Variants in CDH18 observed in about 807,000 individuals in gnomAD.
CDH18 encodes cadherin 18, also known as cadherin-18.
CDH18 carries 31 observed loss-of-function variants against 67.9 expected under a neutral mutation model. The ratio of observed to expected loss-of-function variants is 0.46; its 90% confidence interval spans 0.34 to 0.62. CDH18 has a LOEUF of 0.62. Ranked by LOEUF, CDH18 falls within the 20% of genes least tolerant of loss-of-function variation. CDH18 has a pLI of 0.01. For synonymous variants in CDH18, 362 were observed against 347.2 expected, an observed-to-expected ratio of 1.04 and a Z score of -0.48; for missense variants, 890 against 975.5, an observed-to-expected ratio of 0.91 and a Z score of 1.17.
chr5:20,370,187 T>C (rs1413019003), intron 1 of CDH18, among the ~76,000 whole-genome samples: 2 of 152,132 alleles, frequency 1.3e-5, no homozygotes, highest in Non-Finnish European at 2.9e-5. Flanking sequence ...TCACCATCAT[T>C]ACTATCCTTA....
chr5:19,936,357 G>A (rs911687724), intron 2 of CDH18, among the ~76,000 whole-genome samples: 1 of 151,212 alleles, frequency 6.6e-6, no homozygotes, highest in East Asian at 1.9e-4. Flanking sequence ...TTGTTTCTCT[G>A]GCTAAAAATT....
intron 3 of CDH18, among the ~76,000 whole-genome samples, chr5:19,797,364 A>G (rs1057230509): frequency 6.6e-6 from 1 of 151,954 alleles, no homozygotes; most frequent in Non-Finnish European, 1.5e-5. Context: ...TAAAATACTT[A>G]AAGATCATAA....
chr5:19,864,484 T>A (rs903533140), intron 2 of CDH18, among the ~76,000 whole-genome samples: 3 of 151,864 alleles, frequency 2.0e-5, no homozygotes, highest in African/African-American at 7.3e-5. Flanking sequence ...CATATGTAAC[T>A]AACCTGCACA....
At chr5:20,491,184 A>G (rs903159122) in intron 1 of CDH18, among the ~76,000 whole-genome samples, 2 of 149,874 alleles carry the variant, frequency 1.3e-5, no homozygotes, top group African/African-American at 2.5e-5. Context: ...ATGTTTAGGT[A>G]TAGTATTTGG....
At chr5:20,222,126 A>G (rs1052628807) in intron 2 of CDH18, among the ~76,000 whole-genome samples, 5 of 152,146 alleles carry the variant, frequency 3.3e-5, no homozygotes, top group African/African-American at 1.2e-4. Context: ...AGAGTCCATG[A>G]AGCCAAAGAA....
At position 19,875,691 on chromosome 5, in the gene CDH18, T is replaced by C. The variant is rs572442760; in HGVS notation, c.-256-36449A>G. On this transcript the variant is annotated intron_variant, in intron 2 of 12. Coordinates refer to ENST00000382275, the MANE Select transcript of CDH18 (RefSeq NM_004934.5). Reference sequence around the variant, plus strand: ...AATCAAAATAGAATTGAATCTTTTATATTGTTGAATCTAGAAAGAATTTGT... The same window carrying C: ...AATCAAAATAGAATTGAATCTTTTACATTGTTGAATCTAGAAAGAATTTGT... 1.4e-3 allele frequency among the ~76,000 whole-genome samples: 215 copies of C among 152,122 alleles called. 1 individual carries two copies. The highest frequency in any genetic ancestry group is 4.8e-3 in the African/African-American group (201 of 41,556).
rs1035531494 is a variant in CDH18, at chr5:19,498,318, G to A, written c.1630+4674C>T. 5.9e-5 allele frequency among the ~76,000 whole-genome samples: 9 copies of A among 152,118 alleles called. No individual in the cohort carries two copies. In the East Asian group the frequency reaches 9.7e-4, roughly 16 times the overall value. Reference sequence around the variant, plus strand: ...AAATAAAAAATTAATGCCTCTGCTCGCAAGACATGAAGAAATGCAAGAGTT... The same window carrying A: ...AAATAAAAAATTAATGCCTCTGCTCACAAGACATGAAGAAATGCAAGAGTT... On this transcript the variant is annotated intron_variant, in intron 11 of 12. Transcript: ENST00000382275.
At chr5:20,333,205 G>C (rs1580774588) in intron 1 of CDH18, among the ~76,000 whole-genome samples, 1 of 152,022 alleles carries the variant, frequency 6.6e-6, no homozygotes, top group South Asian at 2.1e-4. Context: ...ACAGGTATAT[G>C]GGATCAAAAT....
chr5:19,685,990 A>G (rs1389901891), intron 5 of CDH18, among the ~76,000 whole-genome samples: 1 of 152,178 alleles, frequency 6.6e-6, no homozygotes, highest in African/African-American at 2.4e-5. Flanking sequence ...GAAAGAAGAA[A>G]GTGGTTTGGT....
At chr5:20,330,552 C>A (rs888345316) in intron 1 of CDH18, among the ~76,000 whole-genome samples, 1 of 152,062 alleles carries the variant, frequency 6.6e-6, no homozygotes, top group Non-Finnish European at 1.5e-5. Context: ...CAGTAACAGA[C>A]AAAAATGGCA....
chr5:20,339,870 G>C (rs1561986440), intron 1 of CDH18, among the ~76,000 whole-genome samples: 1 of 152,302 alleles, frequency 6.6e-6, no homozygotes, highest in South Asian at 2.1e-4. Flanking sequence ...CCTGACTGCT[G>C]CTGAAAAATA....
chr5:19,974,906 C>A (rs549951288), intron 2 of CDH18, among the ~76,000 whole-genome samples: 1 of 152,066 alleles, frequency 6.6e-6, no homozygotes, highest in Non-Finnish European at 1.5e-5. Flanking sequence ...CATTCTGACC[C>A]GGCTACTTTT....
At chr5:19,753,474 C>T (rs1376267270) in intron 3 of CDH18, among the ~76,000 whole-genome samples, 1 of 152,008 alleles carries the variant, frequency 6.6e-6, no homozygotes, top group Non-Finnish European at 1.5e-5. Flanking sequence ...CCAACAAAGA[C>T]AGAAGAAAGA....
chr5:19,800,628 A>T (rs1488334411), intron 3 of CDH18, among the ~76,000 whole-genome samples: 2 of 152,186 alleles, frequency 1.3e-5, no homozygotes, highest in Admixed American at 1.3e-4. Context: ...TAAAGATAAA[A>T]CACTATGAGG....
chr5:19,540,923 T>C (rs750552302), intron 9 of CDH18, among the ~76,000 whole-genome samples: 16 of 152,292 alleles, frequency 1.1e-4, no homozygotes, highest in African/African-American at 1.4e-4. Context: ...TTGTTACTTA[T>C]CCAAATTTCT....
At chr5:20,226,271 G>T (rs936647121) in intron 2 of CDH18, among the ~76,000 whole-genome samples, 1 of 152,134 alleles carries the variant, frequency 6.6e-6, no homozygotes, top group African/African-American at 2.4e-5. Context: ...TATTTTAAGT[G>T]AAAGTATATA....
At chr5:20,177,453 C>T (rs1737324233) in intron 2 of CDH18, among the ~76,000 whole-genome samples, 3 of 152,120 alleles carry the variant, frequency 2.0e-5, no homozygotes, top group Admixed American at 6.6e-5. Context: ...ATATAACATT[C>T]AATGCAAACA....
chr5:20,235,987 C>A (rs1430370989), intron 2 of CDH18, among the ~76,000 whole-genome samples: 2 of 152,084 alleles, frequency 1.3e-5, no homozygotes, highest in Non-Finnish European at 2.9e-5. Flanking sequence ...CCTAAGTGAA[C>A]TAACACAGAA....
chr5:19,649,827 G>A (rs1385129863), intron 5 of CDH18, among the ~76,000 whole-genome samples: 2 of 151,070 alleles, frequency 1.3e-5, no homozygotes, highest in Non-Finnish European at 3.0e-5. Context: ...ATATGTATTT[G>A]TTATTTCACC....
Sources: allele counts gnomAD v4.1 joint callset (sites outside exome capture counted in the v4.1 genomes callset), GRCh38; gene constraint gnomAD v4.1.1; transcripts MANE v1.5; gene names NCBI Gene and HGNC (gene_info 2026-07-23, HGNC 2026-07-21).